The following PTCHD4 variants were observed in gnomAD, a reference collection of about 807,000 sequenced individuals.
PTCHD4 encodes patched domain containing 4.
PTCHD4 carries 33 observed loss-of-function variants against 58.1 expected under a neutral mutation model. The ratio of observed to expected loss-of-function variants is 0.57; its 90% CI spans 0.43 to 0.76. PTCHD4 has a LOEUF of 0.76. Among genes scored for constraint, PTCHD4 ranks in the 30% least tolerant of loss-of-function variants. PTCHD4 has a pLI of 0.00. For missense variants in PTCHD4, 1,058 were observed against 1,027.1 expected (o/e 1.03, Z -0.41); for synonymous variants, 478 against 409.6 (o/e 1.17, Z -2.02).
Position 47,871,629 on chromosome 6 carries a change from T to C in PTCHD4, c.*6674A>G, listed in dbSNP as rs573476166. Among the ~76,000 whole-genome samples, 36 of 151,822 alleles carry C rather than the reference T, an allele frequency of 2.4e-4. No individual in the cohort carries two copies. Among genetic ancestry groups the C allele is most frequent in the Admixed American group, 1.1e-3 (16 of 15,184 alleles). On this transcript the variant is annotated 3_prime_UTR_variant, in exon 5 of 5. Transcript: ENST00000339488. Reference sequence around the variant, plus strand: ...ATTTTACATTTTGCCTTGTCTAATTTGATAAAGTGAATGAGCATCAAGGAA... The same window carrying C: ...ATTTTACATTTTGCCTTGTCTAATTCGATAAAGTGAATGAGCATCAAGGAA...
At chr6:47,956,787 A>G (rs899669963) in intron 4 of PTCHD4, among the ~76,000 whole-genome samples, 1 of 152,178 alleles carries the variant, frequency 6.6e-6, no homozygotes, top group Non-Finnish European at 1.5e-5. Flanking sequence ...AACTATTCAT[A>G]CATACACAGA....
intron 4 of PTCHD4, among the ~76,000 whole-genome samples, chr6:47,893,288 C>A (rs1006454879): frequency 6.6e-6 from 1 of 152,112 alleles, no homozygotes; most frequent in African/African-American, 2.4e-5. Context: ...GGATTACAGG[C>A]GCGAGCCACA....
intron 4 of PTCHD4, chr6:47,901,408 C>T (rs4715056): frequency 0.72 from 689,611 of 960,934 alleles, 247,981 homozygotes; most frequent in East Asian, 0.84. Flanking sequence ...AAATCTCAAA[C>T]ACGATAATTG....
chr6:47,929,320 G>T (rs1322018743), intron 4 of PTCHD4, among the ~76,000 whole-genome samples: 2 of 152,100 alleles, frequency 1.3e-5, no homozygotes, highest in African/African-American at 4.8e-5. Flanking sequence ...CATTAAATAG[G>T]TCACTGAATA....
chr6:47,968,027 C>T (rs1767360301), intron 4 of PTCHD4, among the ~76,000 whole-genome samples: 1 of 152,152 alleles, frequency 6.6e-6, no homozygotes, highest in Non-Finnish European at 1.5e-5. Context: ...CTAGCTGGCG[C>T]AAGATGACTA....
At chr6:47,959,290 T>A (rs1023769858) in intron 4 of PTCHD4, among the ~76,000 whole-genome samples, 1 of 152,084 alleles carries the variant, frequency 6.6e-6, no homozygotes. Context: ...GGGATAAAAA[T>A]ATACTGTATA....
At chr6:48,107,836 A>T (rs1043863171) in intron 1 of PTCHD4, among the ~76,000 whole-genome samples, 1 of 152,242 alleles carries the variant, frequency 6.6e-6, no homozygotes, top group Non-Finnish European at 1.5e-5. Flanking sequence ...TGCAGCCAAA[A>T]AACACATGAA....
At position 47,868,962 on chromosome 6, in the gene PTCHD4, A is replaced by T. The variant is rs1763646650; in HGVS notation, c.*9341T>A. On this transcript the variant is annotated 3_prime_UTR_variant, in exon 5 of 5. Transcript: ENST00000339488. ...TTGTTTTTAAGAAAACATACGGCAAACTATATAAAATGAAATATTACTAAG... is the reference window on the plus strand; with the variant it reads ...TTGTTTTTAAGAAAACATACGGCAATCTATATAAAATGAAATATTACTAAG... Among the ~76,000 whole-genome samples the T allele has an allele frequency of 6.6e-6, 1 of 151,766 alleles. No individual in the cohort carries two copies. The highest frequency in any genetic ancestry group is 2.1e-4 in the South Asian group (1 of 4,824).
At chr6:47,950,268 T>C (rs1374132905) in intron 4 of PTCHD4, among the ~76,000 whole-genome samples, 1 of 152,060 alleles carries the variant, frequency 6.6e-6, no homozygotes, top group Non-Finnish European at 1.5e-5. Flanking sequence ...TTGCATAATA[T>C]AAATTACACC....
chr6:47,976,101 C>A lies in PTCHD4; in HGVS notation c.898+32533G>T, dbSNP rs74591055. ...AAACTGCTATGCCATTGATGTTGTT[C>A]ACTCAGCTTGTTGCTGGAGCCCCAA... On this transcript the variant is annotated intron_variant, in intron 4 of 4. Transcript: ENST00000339488. Among the ~76,000 whole-genome samples, 373 of 152,288 alleles carry A rather than the reference C, an allele frequency of 2.4e-3. 1 individual carries two copies. Among genetic ancestry groups the A allele is most frequent in the African/African-American group, 7.8e-3 (324 of 41,562 alleles).
chr6:48,048,524 G>A (rs1490558844), intron 3 of PTCHD4, among the ~76,000 whole-genome samples: 1 of 151,906 alleles, frequency 6.6e-6, no homozygotes, highest in East Asian at 1.9e-4. Flanking sequence ...GAAAAATCAA[G>A]TTAGCAAATA....
intron 4 of PTCHD4, among the ~76,000 whole-genome samples, chr6:47,983,156 A>G (rs756281942): frequency 1.1e-4 from 16 of 152,326 alleles, no homozygotes; most frequent in Non-Finnish European, 2.1e-4. Context: ...AATAAATGTC[A>G]AGCTGAAGGG....
At chr6:47,995,993 C>A (rs1377218582) in intron 4 of PTCHD4, among the ~76,000 whole-genome samples, 1 of 152,154 alleles carries the variant, frequency 6.6e-6, no homozygotes, top group Non-Finnish European at 1.5e-5. Flanking sequence ...TAACTTTCAA[C>A]TTTTATTTTA....
At chr6:48,059,147 C>T (rs550897376) in intron 3 of PTCHD4, among the ~76,000 whole-genome samples, 1 of 152,244 alleles carries the variant, frequency 6.6e-6, no homozygotes, top group East Asian at 1.9e-4. Context: ...CATGTACCAG[C>T]ACCATCAGTG....
intron 1 of PTCHD4, among the ~76,000 whole-genome samples, chr6:48,094,154 C>T (rs1025769244): frequency 2.0e-5 from 3 of 152,006 alleles, no homozygotes; most frequent in African/African-American, 4.8e-5. Flanking sequence ...AGAGAAAGGG[C>T]GTTTCAGATA....
chr6:47,891,715 T>G (rs1397320593), intron 4 of PTCHD4, among the ~76,000 whole-genome samples: 1 of 152,172 alleles, frequency 6.6e-6, no homozygotes, highest in African/African-American at 2.4e-5. Flanking sequence ...AAGTCCATTT[T>G]AATACCTTCT....
At chr6:47,939,927 A>G (rs922334125) in intron 4 of PTCHD4, among the ~76,000 whole-genome samples, 1 of 152,008 alleles carries the variant, frequency 6.6e-6, no homozygotes, top group Admixed American at 6.6e-5. Flanking sequence ...TGAACTCCAT[A>G]CTTTCCATAA....
chr6:47,879,645 C>T lies in PTCHD4; in HGVS notation c.1190G>A (p.Arg397His), dbSNP rs144280302. ...CTTACAGCAAAAGATGCTGTGGTAG[C>T]GGTTTTGCTCTAGTTGGCCAGCAAA... ...LVFAGQLEQN[R>H]YHSIFCCKIP... Residue 397 changes from arginine to histidine, a missense_variant, in exon 5 of 5, where the codon CGC becomes CAC. Transcript: ENST00000339488. 3.0e-5 allele frequency: 49 copies of T among 1,613,446 alleles called. No individual in the cohort carries two copies. The highest frequency in any genetic ancestry group is 8.0e-5 in the African/African-American group (6 of 74,862).
intron 4 of PTCHD4, among the ~76,000 whole-genome samples, chr6:47,969,669 C>A (rs975017823): frequency 2.0e-5 from 3 of 152,042 alleles, no homozygotes; most frequent in Non-Finnish European, 4.4e-5. Flanking sequence ...AGGAAATATT[C>A]TTTTAGGGGG....
Sources: gnomAD v4.1 joint callset for allele counts (sites outside exome capture counted in the v4.1 genomes callset) on GRCh38, gnomAD v4.1.1 for gene constraint, MANE v1.5 for transcripts, NCBI Gene and HGNC (gene_info 2026-07-23, HGNC 2026-07-21) for gene names.